CENPT: variants seen among roughly 807,000 people sequenced by gnomAD.
CENPT encodes the protein centromere protein T, also known as interphase centromere complex protein 22.
A neutral mutation model predicts 59.7 loss-of-function variants in CENPT; 42 were observed. That is an observed-to-expected ratio of 0.70 (90% CI 0.55 to 0.91). CENPT has a LOEUF of 0.91. Among genes scored for constraint, CENPT ranks in the 40% least tolerant of loss-of-function variants. CENPT has a pLI of 0.00. For missense variants in CENPT, 716 were observed against 713.4 expected, an observed-to-expected ratio of 1.00 and a Z score of -0.04; for synonymous variants, 295 against 289.6, an observed-to-expected ratio of 1.02 and a Z score of -0.19.
At chr16:67,838,979 A>G (rs1480606280) in intron 1 of CENPT, among the ~76,000 whole-genome samples, 1 of 151,278 alleles carries the variant, frequency 6.6e-6, no homozygotes, top group Non-Finnish European at 1.5e-5. Context: ...GGCCGGGTGC[A>G]GTGGCTCACA....
chr16:67,839,703 T>A (rs913207311), intron 1 of CENPT, among the ~76,000 whole-genome samples: 1 of 151,684 alleles, frequency 6.6e-6, no homozygotes, highest in Non-Finnish European at 1.5e-5. Flanking sequence ...CGAAACCCTG[T>A]CTCTACTAAA....
rs116088367 is a variant in CENPT at position 67,833,203 on chromosome 16, C to A, written c.110+547G>T. Among the ~76,000 whole-genome samples, 558 of 152,330 alleles carry A rather than the reference C, an allele frequency of 3.7e-3. 6 individuals are homozygous for A. Among genetic ancestry groups the A allele is most frequent in the African/African-American group, 0.012 (514 of 41,572 alleles). ...AATTCCCTGCTCCTTAGCAAAGCAT[C>A]TTCCAGTTGCTGCCTCCCAACTTCT... is the stretch of plus-strand genomic sequence containing the variant. On this transcript the variant is annotated intron_variant, in intron 4 of 15. Transcript: ENST00000562787.
Position 67,842,893 on chromosome 16 carries a change from ACAGCAGCAACAG to A in CENPT, c.-492+4496_-492+4507del, listed in dbSNP as rs963979127. 16 of 1,585,438 alleles carry A rather than the reference ACAGCAGCAACAG, an allele frequency of 1.0e-5. No individual in the cohort carries two copies. The highest frequency in any genetic ancestry group is 2.9e-5 in the African/African-American group (2 of 68,024). ...AGCAGCAACAGCAGCAGCAGCAGCA[ACAGCAGCAACAG>A]CAGCAGCAGCAGCAACAGCAGCAGC... is the stretch of plus-strand genomic sequence containing the variant. On this transcript the variant is annotated intron_variant, in intron 1 of 15. Transcript: ENST00000562787. This position sits in a 1 kb window ranked among gnomAD's most constrained non-coding sequence, Gnocchi z 4.9.
chr16:67,831,717 A>AG, intron 8 of CENPT, 37 bp downstream of exon 8: 1 of 1,589,468 alleles, frequency 6.3e-7, no homozygotes. Flanking sequence ...AGAGGACAGG[A>AG]GGGAGAGGGT....
chr16:67,840,303 G>C (rs185735339), intron 1 of CENPT, among the ~76,000 whole-genome samples: 3 of 152,254 alleles, frequency 2.0e-5, no homozygotes, highest in Admixed American at 2.0e-4. Flanking sequence ...GGGCAACAGA[G>C]CGAGACTCCG....
In CENPT at chr16:67,830,545, A is replaced by G. The variant is rs186354372; in HGVS notation, c.707T>C (p.Ile236Thr). 1.3e-3 allele frequency: 2,158 copies of G among 1,613,808 alleles called. 5 individuals are homozygous for G. The highest frequency in any genetic ancestry group is 1.7e-3 in the Non-Finnish European group (1,965 of 1,179,876). ...LRDTSLAPPNIVLEDTQPFSQ... is the reference protein window; with the variant it reads ...LRDTSLAPPNTVLEDTQPFSQ... ...GAACGGCTGGGTGTCCTCCAACACA[A>G]TGTCTGTGGGCAGAGTAGTAACAGG... The change falls in exon 11 of 16, where the codon ATT becomes ACT. Residue 236 changes from isoleucine (I) to threonine (T), a missense_variant. Ile to Thr is a moderately conservative substitution (Grantham distance 89). Coordinates refer to ENST00000562787, the MANE Select transcript of CENPT (RefSeq NM_025082.4).
chr16:67,828,737 A>G lies in CENPT; in HGVS notation c.1387T>C (p.Tyr463His). 6.2e-7 allele frequency: 1 copy of G among 1,614,042 alleles called. No individual in the cohort carries two copies. Among genetic ancestry groups the G allele is most frequent in the Non-Finnish European group, 8.5e-7 (1 of 1,179,982 alleles). ...QDPHKAGLSH[Y>H]VKLFSFYAKM... ...GCATAGAAGCTAAAGAGTTTCACAT[A>G]GTGGCTCAGTCCAGCCTTGTGGGGA... Residue 463 changes from tyrosine (Y) to histidine (H), a missense_variant, in exon 14 of 16, where the codon TAT (tyrosine) becomes CAT (histidine). By Grantham distance (83) the Tyr-to-His change is moderately conservative. Coordinates refer to ENST00000562787, the MANE Select transcript of CENPT (RefSeq NM_025082.4).
chr16:67,836,669 A>G (rs1326347194), intron 1 of CENPT, among the ~76,000 whole-genome samples: 1 of 151,120 alleles, frequency 6.6e-6, no homozygotes, highest in Non-Finnish European at 1.5e-5. Context: ...CTGGAGTGCA[A>G]TGGCGCAACC....
intron 13 of CENPT, chr16:67,829,132 T>G (rs1664513721): frequency 3.9e-6 from 2 of 516,952 alleles, no homozygotes; most frequent in South Asian, 2.9e-5. Flanking sequence ...ATGGATAGTC[T>G]CTCTCCTTAC....
At chr16:67,838,608 C>T (rs1044265707) in intron 1 of CENPT, among the ~76,000 whole-genome samples, 2 of 141,502 alleles carry the variant, frequency 1.4e-5, no homozygotes, top group Non-Finnish European at 3.0e-5. Context: ...GGTGACAGAG[C>T]GAGACTCCGT....
At chr16:67,846,241 C>T (rs1202709118) in intron 1 of CENPT, among the ~76,000 whole-genome samples, 1 of 152,262 alleles carries the variant, frequency 6.6e-6, no homozygotes, top group Non-Finnish European at 1.5e-5. Context: ...CACTTAGCTG[C>T]TCTATCTGCT....
chr16:67,829,880 C>T lies in CENPT; in HGVS notation c.1071G>A (p.Arg357=), dbSNP rs950086458. The T allele has an allele frequency of 6.2e-7, 1 of 1,614,122 alleles. No individual in the cohort carries two copies. Among genetic ancestry groups the T allele is most frequent in the Non-Finnish European group, 8.5e-7 (1 of 1,180,052 alleles). ...CTGTGTGTCCCTCAGCCTCTTCTAC[C>T]CTGCTGGGTCCTTGTGCTCCTGTTG... ...MEATGAQGPS[R]VEEAEGHTEV... is the part of the protein sequence containing the mutation. The change falls in exon 12 of 16, where the codon AGG becomes AGA. Residue 357 remains arginine (R), a synonymous_variant. Coordinates refer to ENST00000562787, the MANE Select transcript of CENPT (RefSeq NM_025082.4).
intron 13 of CENPT, chr16:67,829,108 C>T (rs943648023): frequency 1.9e-6 from 1 of 523,220 alleles, no homozygotes; most frequent in Non-Finnish European, 3.3e-6. Flanking sequence ...GGGTCCATGA[C>T]TCCAGGCCTT....
In CENPT at chr16:67,842,884, G is replaced by GCAGCAGCAACAGCAGCAA. The variant is rs746671619; in HGVS notation, c.-492+4499_-492+4516dup. ...GCAGGCAGCAGCAGCAACAGCAGCA[G>GCAGCAGCAACAGCAGCAA]CAGCAGCAACAGCAGCAACAGCAGC... On this transcript the variant is annotated intron_variant, in intron 1 of 15. Transcript: ENST00000562787. This position sits in a 1 kb window ranked among gnomAD's most constrained non-coding sequence, Gnocchi z 4.9. 2.2e-5 allele frequency: 35 copies of GCAGCAGCAACAGCAGCAA among 1,602,340 alleles called. No homozygotes were observed. Among genetic ancestry groups the GCAGCAGCAACAGCAGCAA allele is most frequent in the Non-Finnish European group, 2.6e-5 (31 of 1,174,180 alleles).
At position 67,843,516 on chromosome 16, in the gene CENPT, C is replaced by A; in HGVS notation, c.-492+3885G>T. ...GGAATGTGAACTGGTGCCCCGGCAG[C>A]CTGCTGGACTCCCAGACCCCATCCA... On this transcript the variant is annotated intron_variant, in intron 1 of 15. Transcript: ENST00000562787. This position sits in a 1 kb window ranked among gnomAD's most constrained non-coding sequence, Gnocchi z 5.7. 6.3e-7 allele frequency: 1 copy of A among 1,592,882 alleles called. No homozygotes were observed. The highest frequency in any genetic ancestry group is 8.6e-7 in the Non-Finnish European group (1 of 1,168,944).
chr16:67,839,490 G>A (rs757333694), intron 1 of CENPT, among the ~76,000 whole-genome samples: 12 of 152,022 alleles, frequency 7.9e-5, no homozygotes, highest in Non-Finnish European at 1.8e-4. Context: ...AACCCAAGAG[G>A]CGGATGTTGC....
chr16:67,841,010 CATATATATATATATATATATATATAT>C (rs66882634), intron 1 of CENPT, among the ~76,000 whole-genome samples: 1 of 109,402 alleles, frequency 9.1e-6, no homozygotes, highest in South Asian at 3.3e-4. Flanking sequence ...ATACAAAATA[CATATATATATATATATATATATATAT>C]ATATATATAT....
chr16:67,837,308 G>A (rs182728923), intron 1 of CENPT, among the ~76,000 whole-genome samples: 117 of 151,996 alleles, frequency 7.7e-4, no homozygotes, highest in Non-Finnish European at 1.2e-3. Flanking sequence ...TGAGTAGCTG[G>A]GATTACCGGA....
rs761968932 is a variant in CENPT, at chr16:67,834,019, C to T, written c.-160G>A. On this transcript the variant is annotated 5_prime_UTR_variant, in exon 4 of 16. Coordinates refer to ENST00000562787, the MANE Select transcript of CENPT (RefSeq NM_025082.4). ...CGGGGTGGACAGTGATGGTTGCAAA[C>T]TCCGGATGCTTTGGAGGCAGCCTCG... The T allele has an allele frequency of 2.0e-4, 101 of 512,462 alleles. No homozygotes were observed. Among genetic ancestry groups the T allele is most frequent in the Non-Finnish European group, 3.1e-4 (94 of 298,516 alleles). The allele number at this position is 512,462 out of a possible 1,614,324, so 31.7% of individuals were successfully genotyped here.
Sources: gnomAD v4.1 joint callset for allele counts (sites outside exome capture counted in the v4.1 genomes callset) on GRCh38, gnomAD v4.1.1 for gene constraint, Gnocchi (gnomAD v3.1) non-coding constraint, MANE v1.5 for transcripts, NCBI Gene and HGNC (gene_info 2026-07-23, HGNC 2026-07-21) for gene names.